The following DNAH11 variants were observed in gnomAD, a reference collection of about 807,000 sequenced individuals.
DNAH11 encodes dynein axonemal heavy chain 11.
A neutral mutation model predicts 526.0 loss-of-function variants in DNAH11; 442 were observed. The observed-to-expected ratio is 0.84, with a 90% CI of 0.78 to 0.91. The LOEUF (loss-of-function observed/expected upper bound fraction) is 0.91. Ranked by LOEUF, DNAH11 falls within the 40% of genes least tolerant of loss-of-function variation. The pLI is 0.00. For synonymous variants in DNAH11, 2,461 were observed against 1,935.9 expected (o/e 1.27, Z -7.12); for missense variants, 6,989 against 5,448.7 (o/e 1.28, Z -8.90).
chr7:21,894,782 G>C lies in DNAH11; in HGVS notation c.12910G>C (p.Glu4304Gln). 2 of 1,610,468 alleles carry C rather than the reference G, an allele frequency of 1.2e-6. No homozygotes were observed. Among genetic ancestry groups the C allele is most frequent in the Non-Finnish European group, 1.7e-6 (2 of 1,177,896 alleles). The change falls in exon 78 of 82, where the codon GAA becomes CAA. Residue 4304 changes from glutamate (E) to glutamine (Q), a missense_variant. Glu to Gln is a conservative substitution (Grantham distance 29). Transcript: ENST00000409508. The stretch of plus-strand genomic sequence containing the variant: ...CATTCGGGAAATACGTATATCACTT[G>C]AACAACTGGACCTTAGTTTGAAGGT... ...ILIREIRISL[E>Q]QLDLSLKGEL...
At chr7:21,818,382 A>G (rs1789906782) in intron 65 of DNAH11, 43 bp downstream of exon 65, 4 of 1,578,700 alleles carry the variant, frequency 2.5e-6, no homozygotes, top group South Asian at 1.2e-5. Context: ...TTGCTAAATG[A>G]TTTTCAGCAG....
chr7:21,622,324 A>G (rs1786102635), intron 25 of DNAH11, among the ~76,000 whole-genome samples: 1 of 152,242 alleles, frequency 6.6e-6, no homozygotes, highest in Non-Finnish European at 1.5e-5. Context: ...AAAAGAGGAT[A>G]CAAAGAAATG....
chr7:21,870,404 GA>G (rs1783452218), intron 73 of DNAH11, among the ~76,000 whole-genome samples: 1 of 152,202 alleles, frequency 6.6e-6, no homozygotes, highest in African/African-American at 2.4e-5. Flanking sequence ...CCACTGCTTA[GA>G]TGAGGCCTTA....
At chr7:21,746,428 A>AC (rs1256774874) in intron 51 of DNAH11, among the ~76,000 whole-genome samples, 1 of 151,814 alleles carries the variant, frequency 6.6e-6, no homozygotes, top group Non-Finnish European at 1.5e-5. Flanking sequence ...ACATAGTGGG[A>AC]CCCCATCTCT....
chr7:21,854,554 T>C (rs1782761812), intron 68 of DNAH11, 99 bp downstream of exon 68: 1 of 1,242,088 alleles, frequency 8.1e-7, no homozygotes. Context: ...ATAATAACTA[T>C]TATTACTATT....
At position 21,884,410 on chromosome 7, in the gene DNAH11, G is replaced by C. The variant is rs113963998; in HGVS notation, c.12507G>C (p.Leu4169=). The C allele has an allele frequency of 5.0e-6, 8 of 1,590,086 alleles. No individual in the cohort carries two copies. The African/African-American group carries it at 9.5e-5, about 19-fold the overall frequency. The change falls in exon 76 of 82, where the codon CTG becomes CTC. Residue 4169 remains leucine (L), a splice_region_variant and synonymous_variant. Transcript: ENST00000409508. ...VYLEEFMNPS[L]TEDELMLAPG... is the part of the protein sequence containing the mutation. ...TAGAAGAATTCATGAATCCATCTCT[G>C]GTAAGACATTTGTAAATTAATTTGT... is the stretch of plus-strand genomic sequence containing the variant.
chr7:21,847,947 C>G (rs572242852), intron 66 of DNAH11, among the ~76,000 whole-genome samples: 17 of 152,108 alleles, frequency 1.1e-4, no homozygotes, highest in African/African-American at 4.1e-4. Context: ...GGGCGGATCA[C>G]GAGGTCAGGG....
intron 63 of DNAH11, among the ~76,000 whole-genome samples, chr7:21,808,258 T>C (rs1223280829): frequency 6.6e-6 from 1 of 152,234 alleles, no homozygotes; most frequent in African/African-American, 2.4e-5. Flanking sequence ...AATGTTTTTA[T>C]TGATCTATAA....
In DNAH11 at chr7:21,901,568, CAA is replaced by C. The variant is rs879666623; in HGVS notation, c.*325_*326del. On this transcript the variant is annotated 3_prime_UTR_variant, in exon 82 of 82. Transcript: ENST00000409508. ...TGGGCAACAGAACAAGACTCCATCT[CAA>C]AAAAAAAAAAGTACATCATAAAAGT... is the stretch of plus-strand genomic sequence containing the variant. The C allele has an allele frequency of 2.7e-4, 43 of 159,322 alleles. No individual in the cohort carries two copies. Among genetic ancestry groups the C allele is most frequent in the Middle Eastern group, 2.4e-3 (1 of 410 alleles). 9.9% of individuals were successfully genotyped at this position (159,322 alleles called of 1,614,324 possible).
intron 54 of DNAH11, among the ~76,000 whole-genome samples, chr7:21,761,022 T>G (rs1050946973): frequency 1.8e-4 from 27 of 152,212 alleles, no homozygotes; most frequent in African/African-American, 6.5e-4. Flanking sequence ...GGAAAATTAT[T>G]TGGAATGATT....
rs541106302 is a variant in DNAH11 at position 21,750,797 on chromosome 7, G to A, written c.8940+433G>A. On this transcript the variant is annotated intron_variant, in intron 54 of 81. Coordinates refer to ENST00000409508, the MANE Select transcript of DNAH11 (RefSeq NM_001277115.2). ...TTCAAGGGGAGGAACTTTCAGGGAC[G>A]GGAAATGGCATTTATATAAAGGTCA... 3.7e-4 allele frequency among the ~76,000 whole-genome samples: 57 copies of A among 152,210 alleles called. 1 individual carries two copies. The highest frequency in any genetic ancestry group is 1.2e-3 in the African/African-American group (49 of 41,534).
intron 75 of DNAH11, 87 bp downstream of exon 75, chr7:21,880,980 C>G: frequency 8.1e-7 from 1 of 1,228,508 alleles, no homozygotes; most frequent in Non-Finnish European, 1.1e-6. Flanking sequence ...CATAATTTCT[C>G]TTTTGAAGCT....
At chr7:21,846,912 A>T (rs1471365688) in intron 66 of DNAH11, among the ~76,000 whole-genome samples, 1 of 152,066 alleles carries the variant, frequency 6.6e-6, no homozygotes, top group Non-Finnish European at 1.5e-5. Context: ...TTATGTATGT[A>T]TTTTTGGTAG....
At chr7:21,794,300 G>T (rs543436211) in intron 61 of DNAH11, among the ~76,000 whole-genome samples, 2 of 152,214 alleles carry the variant, frequency 1.3e-5, no homozygotes, top group African/African-American at 4.8e-5. Context: ...GTTTGCTGCT[G>T]TCTCTTGTGG....
chr7:21,677,167 A>G (rs1164012323), intron 30 of DNAH11, among the ~76,000 whole-genome samples: 1 of 148,638 alleles, frequency 6.7e-6, no homozygotes, highest in Non-Finnish European at 1.5e-5. Context: ...ATCTCATTTT[A>G]CTGTGATTCA....
intron 66 of DNAH11, among the ~76,000 whole-genome samples, chr7:21,845,187 CTTG>C (rs1424752160): frequency 6.6e-6 from 1 of 152,088 alleles, no homozygotes; most frequent in Admixed American, 6.5e-5. Context: ...TTTTCACTTT[CTTG>C]TTGGTGTCCT....
intron 50 of DNAH11, 122 bp downstream of exon 50, chr7:21,744,721 C>T: frequency 7.0e-7 from 1 of 1,432,986 alleles, no homozygotes; most frequent in Non-Finnish European, 9.4e-7. Flanking sequence ...GGCTGTGAAT[C>T]CAGAATACAC....
intron 8 of DNAH11, among the ~76,000 whole-genome samples, chr7:21,578,463 A>G (rs956951025): frequency 1.2e-4 from 19 of 152,324 alleles, no homozygotes; most frequent in African/African-American, 3.6e-4. Flanking sequence ...TCTGCAGGGT[A>G]CAGCCCCCAC....
In DNAH11 at chr7:21,663,963, A is replaced by G. The variant is rs930983128; in HGVS notation, c.5328+4932A>G. Among the ~76,000 whole-genome samples, 6 of 152,138 alleles carry G rather than the reference A, an allele frequency of 3.9e-5. No individual in the cohort carries two copies. The South Asian group carries it at 1.2e-3, about 32-fold the overall frequency. ...TCTCCATTAGTCAGATTGCTGGATC[A>G]TATGGTAATTCTATTTTTAATTTTT... On this transcript the variant is annotated intron_variant, in intron 30 of 81. Coordinates refer to ENST00000409508, the MANE Select transcript of DNAH11 (RefSeq NM_001277115.2).
Sources: allele counts gnomAD v4.1 joint callset (sites outside exome capture counted in the v4.1 genomes callset), GRCh38; gene constraint gnomAD v4.1.1; transcripts MANE v1.5; gene names NCBI Gene and HGNC (gene_info 2026-07-23, HGNC 2026-07-21).